FSIP2: variants seen among roughly 807,000 people sequenced by gnomAD.
The protein encoded by FSIP2 is fibrous sheath-interacting protein 2.
Under a neutral mutation model 510.5 loss-of-function variants are expected in FSIP2, and 367 were observed. That is an observed-to-expected ratio of 0.72 (90% CI 0.66 to 0.78). FSIP2 has a LOEUF of 0.78. FSIP2 is among the 30% of genes least tolerant of loss of function. The pLI, the probability that FSIP2 is intolerant of heterozygous loss-of-function variation, is 0.00. For missense variants in FSIP2, 7,594 were observed against 7,901.7 expected (o/e 0.96, Z 1.48); for synonymous variants, 2,601 against 2,732.2 (o/e 0.95, Z 1.50).
rs1693559234 is a variant in FSIP2 at position 185,805,895 on chromosome 2, A to C, written c.16589A>C (p.Gln5530Pro). The C allele has an allele frequency of 6.2e-7, 1 of 1,607,800 alleles. No individual in the cohort carries two copies. Among genetic ancestry groups the C allele is most frequent in the Non-Finnish European group, 8.5e-7 (1 of 1,177,350 alleles). ...GAAAATAAAGTGGGAATTTGTACTC[A>C]AAAACATAGTGAGAATGTATCAAAA... ...VDENKVGICT[Q>P]KHSENVSKVT... The change falls in exon 17 of 23, where the codon CAA becomes CCA. Residue 5530 changes from glutamine (Q) to proline (P), a missense_variant. Transcript: ENST00000424728.
At chr2:185,817,434 G>A (rs1693845705) in intron 19 of FSIP2, among the ~76,000 whole-genome samples, 1 of 151,988 alleles carries the variant, frequency 6.6e-6, no homozygotes, top group South Asian at 2.1e-4. Flanking sequence ...GAAGGAGCAG[G>A]AAGTGACTCT....
intron 13 of FSIP2, among the ~76,000 whole-genome samples, chr2:185,777,239 C>T (rs1692745195): frequency 6.6e-6 from 1 of 152,008 alleles, no homozygotes; most frequent in Non-Finnish European, 1.5e-5. Context: ...GGTAGAGAGA[C>T]CTTCTTTTTT....
At position 185,795,101 on chromosome 2, in the gene FSIP2, C is replaced by T. The variant is rs767642033; in HGVS notation, c.7965C>T (p.Asn2655=). 3.3e-6 allele frequency: 5 copies of T among 1,534,726 alleles called. No homozygotes were observed. In the African/African-American group the frequency reaches 5.5e-5, roughly 17 times the overall value. Residue 2655 remains asparagine (N), a synonymous_variant, in exon 16 of 23, where the codon AAC becomes AAT. Transcript: ENST00000424728. The part of the protein sequence containing the change: ...SLPLKVSPKD[N]PKPCFKAHLK... ...CTTTAAAGGTGAGCCCTAAGGACAA[C>T]CCTAAGCCATGCTTTAAAGCACATT...
intron 17 of FSIP2, among the ~76,000 whole-genome samples, chr2:185,813,093 C>A (rs1366869979): frequency 1.3e-5 from 2 of 151,826 alleles, no homozygotes; most frequent in African/African-American, 4.8e-5. Context: ...ATTTTAAAAC[C>A]ATTATTTGGG....
Position 185,779,516 on chromosome 2 carries a change from C to T in FSIP2, c.1412-3189C>T, listed in dbSNP as rs373268681. ...ACATTTGTTATTTCTTTGTGTTGAA[C>T]GCTGTAAATTTACTCTTCTAGTTAT... On this transcript the variant is annotated intron_variant, in intron 13 of 22. Coordinates refer to ENST00000424728, the MANE Select transcript of FSIP2 (RefSeq NM_173651.4). Among the ~76,000 whole-genome samples, 52 of 151,958 alleles carry T rather than the reference C, an allele frequency of 3.4e-4. 1 individual carries two copies. The East Asian group carries it at 3.5e-3, about 10-fold the overall frequency.
At chr2:185,816,052 T>G (rs1161360121) in intron 19 of FSIP2, among the ~76,000 whole-genome samples, 1 of 152,042 alleles carries the variant, frequency 6.6e-6, no homozygotes, top group Non-Finnish European at 1.5e-5. Flanking sequence ...AAGTGCACTG[T>G]AGACTTGAAA....
At position 185,801,984 on chromosome 2, in the gene FSIP2, C is replaced by T. The variant is rs1032954099; in HGVS notation, c.12678C>T (p.Asp4226=). The T allele has an allele frequency of 1.3e-6, 2 of 1,522,546 alleles. No individual in the cohort carries two copies. The highest frequency in any genetic ancestry group is 2.8e-5 in the African/African-American group (2 of 72,062). 94.3% of individuals were successfully genotyped at this position (1,522,546 alleles called of 1,614,324 possible). The part of the protein sequence containing the change: ...SVYCNILQMS[D]SLVSIQKSIV... ...ATTGTAATATTTTGCAAATGTCTGA[C>T]TCTCTTGTTTCAATACAAAAAAGTA... Residue 4226 remains aspartate (D), a synonymous_variant, in exon 17 of 23, where the codon GAC becomes GAT. Transcript: ENST00000424728.
intron 7 of FSIP2, among the ~76,000 whole-genome samples, chr2:185,749,281 C>G (rs1692097248): frequency 6.6e-6 from 1 of 151,906 alleles, no homozygotes; most frequent in Admixed American, 6.6e-5. Flanking sequence ...AACTCATGAA[C>G]CACATATGTC....
intron 2 of FSIP2, among the ~76,000 whole-genome samples, chr2:185,742,524 A>T (rs1691943675): frequency 6.6e-6 from 1 of 152,342 alleles, no homozygotes; most frequent in South Asian, 2.1e-4. Context: ...TGAACTGCAT[A>T]ATATAGACCT....
intron 17 of FSIP2, among the ~76,000 whole-genome samples, chr2:185,812,120 T>C (rs990848690): frequency 6.6e-6 from 1 of 152,116 alleles, no homozygotes; most frequent in Admixed American, 6.6e-5. Context: ...ACTTGCATCC[T>C]ACACCCTCAG....
rs756569065 is a variant in FSIP2 at position 185,805,654 on chromosome 2, T to G, written c.16348T>G (p.Ser5450Ala). Residue 5450 changes from serine (S) to alanine (A), a missense_variant, in exon 17 of 23, where the codon TCT becomes GCT. Transcript: ENST00000424728. ...ACCAGATCAATCATATAAAGATACT[T>G]CTTCCACCCCAGATTGCAAAAACAT... ...SLPDQSYKDT[S>A]STPDCKNMMS... 8.7e-6 allele frequency: 14 copies of G among 1,610,642 alleles called. No homozygotes were observed. Among genetic ancestry groups the G allele is most frequent in the Non-Finnish European group, 1.2e-5 (14 of 1,178,464 alleles).
intron 13 of FSIP2, chr2:185,765,704 G>C (rs1283509772): frequency 2.0e-5 from 3 of 151,678 alleles, no homozygotes; most frequent in Non-Finnish European, 1.5e-5. Flanking sequence ...GCTTGATGGG[G>C]ATGGCATTGA....
chr2:185,777,448 T>C (rs1184040458), intron 13 of FSIP2, among the ~76,000 whole-genome samples: 1 of 151,214 alleles, frequency 6.6e-6, no homozygotes. Context: ...AGTGCAATGA[T>C]TAATAAAGTG....
Position 185,799,998 on chromosome 2 carries a change from TA to T in FSIP2, c.10693del (p.Ile3565LeufsTer31). On this transcript the variant is annotated frameshift_variant, in exon 17 of 23. Coordinates refer to ENST00000424728, the MANE Select transcript of FSIP2 (RefSeq NM_173651.4). LOFTEE classifies it high-confidence loss of function. ...ELALCISEII[I>X]KILFNNKIIQ... is the part of the protein sequence containing the mutation. ...TTGCTTTATGTATTTCTGAAATCAT[TA>T]TTAAAATTCTTTTTAATAATAAAAT... is the stretch of plus-strand genomic sequence containing the variant. 6.6e-7 allele frequency: 1 copy of T among 1,518,484 alleles called. No homozygotes were observed. The highest frequency in any genetic ancestry group is 8.8e-7 in the Non-Finnish European group (1 of 1,135,684). The allele number at this position is 1,518,484 out of a possible 1,614,324, so 94.1% of individuals were successfully genotyped here.
rs1212292070 is a variant in FSIP2, at chr2:185,807,712, G to C, written c.18406G>C (p.Gly6136Arg). 1.2e-6 allele frequency: 2 copies of C among 1,612,584 alleles called. No homozygotes were observed. Among genetic ancestry groups the C allele is most frequent in the Admixed American group, 1.7e-5 (1 of 59,808 alleles). ...ASNQLQSYFC[G>R]ELTPHQCVEV... is the part of the protein sequence containing the mutation. ...CAATCAGCTGCAGAGCTATTTTTGT[G>C]GAGAGCTAACTCCACATCAGTGTGT... is the stretch of plus-strand genomic sequence containing the variant. Residue 6136 changes from glycine to arginine, a missense_variant, in exon 17 of 23, where the codon GGA becomes CGA. Gly to Arg is a moderately radical substitution (Grantham distance 125). Coordinates refer to ENST00000424728, the MANE Select transcript of FSIP2 (RefSeq NM_173651.4).
At chr2:185,785,704 G>GCAT (rs1692956852) in intron 14 of FSIP2, among the ~76,000 whole-genome samples, 1 of 152,004 alleles carries the variant, frequency 6.6e-6, no homozygotes, top group African/African-American at 2.4e-5. Flanking sequence ...TAAAAGGAAT[G>GCAT]CATCTAAATT....
intron 2 of FSIP2, chr2:185,740,379 C>T (rs895807145): frequency 6.6e-5 from 10 of 152,120 alleles, no homozygotes; most frequent in Non-Finnish European, 1.0e-4. Flanking sequence ...CCACACCTAC[C>T]CCCAAACCTC....
At chr2:185,816,749 A>G (rs547443468) in intron 19 of FSIP2, among the ~76,000 whole-genome samples, 2 of 151,920 alleles carry the variant, frequency 1.3e-5, no homozygotes, top group Admixed American at 6.6e-5. Flanking sequence ...CTAGCTACTC[A>G]GGAGGCTGAG....
chr2:185,810,982 C>T (rs985454237), intron 17 of FSIP2, among the ~76,000 whole-genome samples: 2 of 151,994 alleles, frequency 1.3e-5, no homozygotes, highest in African/African-American at 4.8e-5. Flanking sequence ...CCCTAGAGTT[C>T]TGTGGAGTTT....
Sources: allele counts gnomAD v4.1 joint callset (sites outside exome capture counted in the v4.1 genomes callset), GRCh38; gene constraint gnomAD v4.1.1; transcripts MANE v1.5; gene names NCBI Gene and HGNC (gene_info 2026-07-23, HGNC 2026-07-21).